Variants in PARD3 observed in about 807,000 individuals in gnomAD.
PARD3 encodes the protein partitioning defective 3 homolog.
In PARD3, 75 loss-of-function variants were observed where a neutral mutation model predicts 155.4. The ratio of observed to expected loss-of-function variants is 0.48; its 90% confidence interval spans 0.40 to 0.58. The LOEUF is 0.58. PARD3 is among the 20% of genes least tolerant of loss of function. PARD3 has a pLI of 0.00. For missense variants in PARD3, 1,642 were observed against 1,721.7 expected (o/e 0.95, Z 0.82); for synonymous variants, 576 against 610.5 (o/e 0.94, Z 0.83).
At chr10:34,551,147 T>C (rs2084522821) in intron 2 of PARD3, among the ~76,000 whole-genome samples, 1 of 152,164 alleles carries the variant, frequency 6.6e-6, no homozygotes, top group African/African-American at 2.4e-5. Context: ...TGCTTGGCTA[T>C]GCATAGTTGG....
intron 3 of PARD3, among the ~76,000 whole-genome samples, chr10:34,473,286 C>A (rs1180265437): frequency 1.3e-5 from 2 of 152,170 alleles, no homozygotes; most frequent in Admixed American, 1.3e-4. Flanking sequence ...ACTGAGTACT[C>A]CCACGCAATT....
In PARD3 at chr10:34,688,125, T is replaced by G. The variant is rs575923182; in HGVS notation, c.222+8193A>C. ...GCTTTGGCCTCCCAAAGTGCTGGGA[T>G]TACAGGCCTGAGCCATGGCGCCTGG... is the stretch of plus-strand genomic sequence containing the variant. On this transcript the variant is annotated intron_variant, in intron 2 of 24. Coordinates refer to ENST00000374788, the MANE Select transcript of PARD3 (RefSeq NM_001184785.2). Among the ~76,000 whole-genome samples the G allele has an allele frequency of 2.6e-5, 4 of 152,286 alleles. No individual in the cohort carries two copies. In the East Asian group the frequency reaches 7.7e-4, roughly 29 times the overall value.
At chr10:34,171,758 T>C (rs1308703742) in intron 22 of PARD3, among the ~76,000 whole-genome samples, 3 of 151,830 alleles carry the variant, frequency 2.0e-5, no homozygotes, top group African/African-American at 7.3e-5. Flanking sequence ...AAGACCAGCC[T>C]AGCCAATATG....
intron 12 of PARD3, among the ~76,000 whole-genome samples, chr10:34,365,965 AATG>A (rs1373475243): frequency 6.6e-6 from 1 of 152,244 alleles, no homozygotes. Context: ...AATACATTAA[AATG>A]ATGATACTGA....
chr10:34,770,487 T>A (rs1167450528), intron 1 of PARD3, among the ~76,000 whole-genome samples: 1 of 152,162 alleles, frequency 6.6e-6, no homozygotes, highest in Non-Finnish European at 1.5e-5. Flanking sequence ...AGACTTTTCA[T>A]CCTAGAGGCC....
chr10:34,683,733 C>T (rs1365335924), intron 2 of PARD3, among the ~76,000 whole-genome samples: 2 of 152,132 alleles, frequency 1.3e-5, no homozygotes, highest in East Asian at 3.9e-4. Context: ...CAGGCTGACC[C>T]CAAAGCTCCT....
chr10:34,151,670 T>C lies in PARD3; in HGVS notation c.3420-20087A>G, dbSNP rs189506886. ...GTTGAAAAGCTTCAATTTAAAAAAATACAGGCATCCTCTCCTTTTCACCAC... is the reference window on the plus strand; with the variant it reads ...GTTGAAAAGCTTCAATTTAAAAAAACACAGGCATCCTCTCCTTTTCACCAC... On this transcript the variant is annotated intron_variant, in intron 22 of 24. Transcript: ENST00000374788. Among the ~76,000 whole-genome samples the C allele has an allele frequency of 3.0e-3, 459 of 152,278 alleles. 2 individuals carry two copies. Among genetic ancestry groups the C allele is most frequent in the Admixed American group, 7.1e-3 (108 of 15,292 alleles).
At chr10:34,258,032 T>C (rs769604421) in intron 22 of PARD3, among the ~76,000 whole-genome samples, 2 of 152,252 alleles carry the variant, frequency 1.3e-5, no homozygotes, top group Non-Finnish European at 2.9e-5. Context: ...TTAGATGCAA[T>C]TGGATTTATC....
In PARD3 at chr10:34,233,017, A is replaced by ATTT. The variant is rs3039283; in HGVS notation, c.3419+36637_3419+36639dup. On this transcript the variant is annotated intron_variant, in intron 22 of 24. Coordinates refer to ENST00000374788, the MANE Select transcript of PARD3 (RefSeq NM_001184785.2). Reference sequence around the variant, plus strand: ...GTGCCCGGCCCATCCTCAAATGTTAATTTTTTTTTTTTTTTTTTTTTTGCC... The same window carrying ATTT: ...GTGCCCGGCCCATCCTCAAATGTTAATTTTTTTTTTTTTTTTTTTTTTTTTGCC... 1.4e-3 allele frequency among the ~76,000 whole-genome samples: 134 copies of ATTT among 96,166 alleles called. 4 individuals are homozygous for ATTT. Among genetic ancestry groups the ATTT allele is most frequent in the Non-Finnish European group, 1.9e-3 (99 of 51,504 alleles). 63.1% of individuals were successfully genotyped at this position (96,166 alleles called of 152,430 possible).
intron 1 of PARD3, among the ~76,000 whole-genome samples, chr10:34,719,768 A>G (rs537296412): frequency 6.6e-6 from 1 of 152,370 alleles, no homozygotes; most frequent in South Asian, 2.1e-4. Flanking sequence ...TTCAACTTTC[A>G]TATTACAATG....
intron 1 of PARD3, among the ~76,000 whole-genome samples, chr10:34,747,922 C>T (rs1229870491): frequency 1.3e-5 from 2 of 152,202 alleles, no homozygotes; most frequent in African/African-American, 4.8e-5. Flanking sequence ...ACTCACTGGT[C>T]CAGGCTCCCC....
At chr10:34,694,821 A>G (rs2094135511) in intron 2 of PARD3, among the ~76,000 whole-genome samples, 1 of 152,182 alleles carries the variant, frequency 6.6e-6, no homozygotes, top group South Asian at 2.1e-4. Context: ...GTCTTACTTG[A>G]AATTTCAAGA....
intron 2 of PARD3, among the ~76,000 whole-genome samples, chr10:34,680,211 C>A (rs1258956088): frequency 6.6e-6 from 1 of 152,036 alleles, no homozygotes; most frequent in Non-Finnish European, 1.5e-5. Flanking sequence ...CACTAGAGCC[C>A]CACAAAACCC....
chr10:34,715,215 T>C (rs1260803543), intron 1 of PARD3, among the ~76,000 whole-genome samples: 1 of 151,920 alleles, frequency 6.6e-6, no homozygotes, highest in Non-Finnish European at 1.5e-5. Flanking sequence ...GTAGCTGAGA[T>C]TACAGGTACA....
rs534990380 is a variant in PARD3 at position 34,630,535 on chromosome 10, G to A, written c.222+65783C>T. 4.8e-5 allele frequency among the ~76,000 whole-genome samples: 7 copies of A among 146,262 alleles called. No individual in the cohort carries two copies. In the East Asian group the frequency reaches 1.5e-3, roughly 31 times the overall value. On this transcript the variant is annotated intron_variant, in intron 2 of 24. Transcript: ENST00000374788. Reference sequence around the variant, plus strand: ...ACAATCTCAGCTCACTGCAACCTCCGCTTCCTGGGCTCAAGTGATCCTCCC... The same window carrying A: ...ACAATCTCAGCTCACTGCAACCTCCACTTCCTGGGCTCAAGTGATCCTCCC...
intron 22 of PARD3, among the ~76,000 whole-genome samples, chr10:34,206,535 G>A (rs1951488175): frequency 6.6e-6 from 1 of 152,212 alleles, no homozygotes; most frequent in Admixed American, 6.5e-5. Context: ...GAGCCAGTCG[G>A]TGATAGAAGG....
intron 12 of PARD3, among the ~76,000 whole-genome samples, chr10:34,367,582 T>C (rs913606404): frequency 4.6e-5 from 7 of 152,086 alleles, no homozygotes; most frequent in African/African-American, 1.7e-4. Context: ...CACGTGCCTG[T>C]AATCCCAGCT....
intron 23 of PARD3, among the ~76,000 whole-genome samples, chr10:34,121,529 A>G (rs10159831): frequency 0.26 from 39,424 of 152,178 alleles, 5,447 homozygotes; most frequent in Middle Eastern, 0.39. Context: ...CAGAGTCTGA[A>G]CATTCATTTG....
chr10:34,166,479 G>T lies in PARD3; in HGVS notation c.3420-34896C>A, dbSNP rs181604773. On this transcript the variant is annotated intron_variant, in intron 22 of 24. Coordinates refer to ENST00000374788, the MANE Select transcript of PARD3 (RefSeq NM_001184785.2). ...AATATATATTTTTTAATTAGCTGGG[G>T]GATGGTGGTGAGCCTATAGTCCCAA... 9.2e-5 allele frequency among the ~76,000 whole-genome samples: 14 copies of T among 152,116 alleles called. No homozygotes were observed. In the East Asian group the frequency reaches 2.7e-3, roughly 29 times the overall value.
Sources: gnomAD v4.1 joint callset for allele counts (sites outside exome capture counted in the v4.1 genomes callset) on GRCh38, gnomAD v4.1.1 for gene constraint, MANE v1.5 for transcripts, NCBI Gene and HGNC (gene_info 2026-07-23, HGNC 2026-07-21) for gene names.